HIVEP1: variants seen among roughly 807,000 people sequenced by gnomAD.
HIVEP1 encodes zinc finger protein 40.
In HIVEP1, 36 loss-of-function variants were observed where a neutral mutation model predicts 180.0. That is an observed-to-expected ratio of 0.20 (90% confidence interval 0.15 to 0.26). The LOEUF is 0.26. Ranked by LOEUF, HIVEP1 falls within the 10% of genes least tolerant of loss-of-function variation. The pLI is 1.00. For synonymous variants in HIVEP1, 1,239 were observed against 1,239.0 expected (o/e 1.00, Z 0.00); for missense variants, 3,143 against 3,268.7 (o/e 0.96, Z 0.94).
At position 12,121,217 on chromosome 6, in the gene HIVEP1, C is replaced by G. The variant is rs766104822; in HGVS notation, c.1422C>G (p.Phe474Leu). 3.1e-6 allele frequency: 5 copies of G among 1,614,160 alleles called. No individual in the cohort carries two copies. The highest frequency in any genetic ancestry group is 4.2e-6 in the Non-Finnish European group (5 of 1,180,030). ...TGCAACCAGATGCTGGTGGCTTGTT[C>G]TTGTCCCACGAGTCCCCCAAAGCAC... ...LVLQPDAGGL[F>L]LSHESPKALS... Residue 474 changes from phenylalanine (F) to leucine (L), a missense_variant, in exon 4 of 9, where the codon TTC (phenylalanine) becomes TTG (leucine). By Grantham distance (22) the Phe-to-Leu change is conservative (BLOSUM62 0). Transcript: ENST00000379388. This position sits in a 1 kb window ranked among gnomAD's most constrained non-coding sequence, Gnocchi z 5.3.
chr6:12,091,255 TA>T (rs1341592583), intron 3 of HIVEP1, among the ~76,000 whole-genome samples: 8 of 152,140 alleles, frequency 5.3e-5, no homozygotes, highest in Admixed American at 3.9e-4. Flanking sequence ...CATTTTAGAT[TA>T]TGGTAAGTCA....
At chr6:12,140,829 G>A (rs1758981207) in intron 7 of HIVEP1, among the ~76,000 whole-genome samples, 1 of 152,120 alleles carries the variant, frequency 6.6e-6, no homozygotes, top group Non-Finnish European at 1.5e-5. Context: ...AAAAAGAGTA[G>A]AAAGAAACGA....
In HIVEP1 at chr6:12,065,858, G is replaced by A. The variant is rs939754539; in HGVS notation, c.41-23326G>A. On this transcript the variant is annotated intron_variant, in intron 2 of 8. Coordinates refer to ENST00000379388, the MANE Select transcript of HIVEP1 (RefSeq NM_002114.4). ...GGCAGAGCTGATAAACGATTAGAAAGCTATTTTTGGTTTGACTGGTTCAGA... is the reference window on the plus strand; with the variant it reads ...GGCAGAGCTGATAAACGATTAGAAAACTATTTTTGGTTTGACTGGTTCAGA... Among the ~76,000 whole-genome samples the A allele has an allele frequency of 8.5e-5, 13 of 152,284 alleles. 1 individual carries two copies. Among genetic ancestry groups the A allele is most frequent in the African/African-American group, 2.9e-4 (12 of 41,556 alleles).
chr6:12,165,001 C>T, downstream of HIVEP1: 1 of 374,988 alleles, frequency 2.7e-6, no homozygotes, highest in Non-Finnish European at 5.2e-6. Flanking sequence ...CTGACTTTAC[C>T]ATTGCTTCAG....
At chr6:12,153,571 CAAAAAA>C (rs3070558) in intron 7 of HIVEP1, among the ~76,000 whole-genome samples, 181 of 94,630 alleles carry the variant, frequency 1.9e-3, no homozygotes, top group African/African-American at 6.4e-3. Flanking sequence ...GTAAGAAATG[CAAAAAA>C]AAAAAAAAAA....
intron 2 of HIVEP1, among the ~76,000 whole-genome samples, chr6:12,045,593 A>G (rs1184956204): frequency 6.6e-6 from 1 of 152,194 alleles, no homozygotes; most frequent in Non-Finnish European, 1.5e-5. Flanking sequence ...CAGTAAATGC[A>G]TGTTGAGTTA....
the HIVEP1 span, among the ~76,000 whole-genome samples, chr6:12,194,286 G>A: frequency 6.6e-6 from 1 of 152,014 alleles, no homozygotes; most frequent in Non-Finnish European, 1.5e-5. Context: ...CAGGTCTAGG[G>A]AATTATATGA....
Position 12,163,549 on chromosome 6 carries a change from G to A in HIVEP1, c.7245G>A (p.Thr2415=), listed in dbSNP as rs769627337. ...HVVPAGLTYS[T]FVPLQAGPVQ... is the part of the protein sequence containing the mutation. ...TACCTGCTGGCCTCACATACTCCAC[G>A]TTTGTGCCCCTTCAGGCTGGACCAG... Residue 2415 remains threonine (T), a synonymous_variant, in exon 9 of 9, where the codon ACG becomes ACA. Coordinates refer to ENST00000379388, the MANE Select transcript of HIVEP1 (RefSeq NM_002114.4). 117 of 1,613,990 alleles carry A rather than the reference G, an allele frequency of 7.2e-5. No homozygotes were observed. In the East Asian group the frequency reaches 1.1e-3, roughly 15 times the overall value.
chr6:12,084,091 GT>G (rs1165075092), intron 2 of HIVEP1, among the ~76,000 whole-genome samples: 4 of 152,060 alleles, frequency 2.6e-5, no homozygotes, highest in African/African-American at 9.7e-5. Context: ...GGCCCAGTGA[GT>G]TTTTTTAAAA....
intron 3 of HIVEP1, among the ~76,000 whole-genome samples, chr6:12,103,338 A>G (rs1055693342): frequency 6.6e-6 from 1 of 152,192 alleles, no homozygotes; most frequent in African/African-American, 2.4e-5. Context: ...TGTTTTGCAG[A>G]TAATGAAGGC....
At chr6:12,011,270 T>TCCC (rs76242358), upstream of HIVEP1, among the ~76,000 whole-genome samples, 8 of 71,630 alleles carry the variant, frequency 1.1e-4, no homozygotes, top group Non-Finnish European at 1.5e-4. Flanking sequence ...CCCCTTGGGG[T>TCCC]CCCCCCCCCC....
chr6:12,171,264 G>T, the HIVEP1 span, among the ~76,000 whole-genome samples: 1 of 152,034 alleles, frequency 6.6e-6, no homozygotes. Context: ...TGTTGCCCAG[G>T]CTGTTCTTGA....
At chr6:12,077,010 T>A (rs1772405137) in intron 2 of HIVEP1, among the ~76,000 whole-genome samples, 1 of 152,060 alleles carries the variant, frequency 6.6e-6, no homozygotes, top group Non-Finnish European at 1.5e-5. Flanking sequence ...ATGATGTATA[T>A]CAAATAGGAA....
intron 2 of HIVEP1, among the ~76,000 whole-genome samples, chr6:12,032,332 C>G (rs866339808): frequency 3.6e-4 from 54 of 151,772 alleles, no homozygotes; most frequent in South Asian, 8.3e-4. Context: ...TTAGTAGAGA[C>G]AGGGTTTCAC....
rs1758384801 is a variant in HIVEP1, at chr6:12,130,959, G to A, written c.6385+17G>A. 6.4e-7 allele frequency: 1 copy of A among 1,567,830 alleles called. No individual in the cohort carries two copies. The highest frequency in any genetic ancestry group is 1.8e-5 in the Admixed American group (1 of 56,258). On this transcript the variant is annotated intron_variant, in intron 6 of 8. Transcript: ENST00000379388. ...AGACTAAAGGTATGAGATGCACATTGCTTCAAGGTCCTTTTAATATGTATT... is the reference window on the plus strand; with the variant it reads ...AGACTAAAGGTATGAGATGCACATTACTTCAAGGTCCTTTTAATATGTATT...
At chr6:12,112,142 C>CT (rs749827317) in intron 3 of HIVEP1, among the ~76,000 whole-genome samples, 7 of 152,048 alleles carry the variant, frequency 4.6e-5, no homozygotes, top group Non-Finnish European at 8.8e-5. Context: ...TTGCTATGGC[C>CT]TTCATTTTTG....
chr6:12,009,433 G>A (rs898470561), upstream of HIVEP1, among the ~76,000 whole-genome samples: 1 of 152,334 alleles, frequency 6.6e-6, no homozygotes, highest in East Asian at 1.9e-4. Context: ...GGACGGTGGG[G>A]ATGGAACCAT....
intron 7 of HIVEP1, among the ~76,000 whole-genome samples, chr6:12,143,321 A>G (rs6931770): frequency 0.19 from 29,112 of 152,140 alleles, 3,161 homozygotes; most frequent in East Asian, 0.47. Flanking sequence ...AAAGGCTTTC[A>G]ACAAAATTCA....
intron 7 of HIVEP1, among the ~76,000 whole-genome samples, chr6:12,150,545 T>C (rs1362751773): frequency 6.6e-6 from 1 of 152,220 alleles, no homozygotes; most frequent in Non-Finnish European, 1.5e-5. Flanking sequence ...AAAGCTTTTT[T>C]TCCAAATGAA....
Sources: gnomAD v4.1 joint callset for allele counts (sites outside exome capture counted in the v4.1 genomes callset) on GRCh38, gnomAD v4.1.1 for gene constraint, Gnocchi (gnomAD v3.1) non-coding constraint, MANE v1.5 for transcripts, NCBI Gene and HGNC (gene_info 2026-07-23, HGNC 2026-07-21) for gene names.